UBE2V2: variants seen among roughly 807,000 people sequenced by gnomAD.
UBE2V2 encodes ubiquitin-conjugating enzyme E2 variant 2.
Under a neutral mutation model 17.2 loss-of-function variants are expected in UBE2V2, and 9 were observed. The ratio of observed to expected loss-of-function variants is 0.52; its 90% CI spans 0.32 to 0.91. The LOEUF is 0.91. Ranked by LOEUF, UBE2V2 falls within the 40% of genes least tolerant of loss-of-function variation. The pLI, the probability that UBE2V2 is intolerant of heterozygous loss-of-function variation, is 0.04. For synonymous variants in UBE2V2, 61 were observed against 57.5 expected, an observed-to-expected ratio of 1.06 and a Z score of -0.28; for missense variants, 133 against 182.6, an observed-to-expected ratio of 0.73 and a Z score of 1.56.
At chr8:48,005,711 C>G (rs917451111), upstream of UBE2V2, among the ~76,000 whole-genome samples, 2 of 152,252 alleles carry the variant, frequency 1.3e-5, no homozygotes, top group Non-Finnish European at 2.9e-5. Context: ...GATCACCATT[C>G]TACCTGGTGT....
In UBE2V2 at chr8:48,036,699, T is replaced by G. The variant is rs575521701; in HGVS notation, c.17-6334T>G. On this transcript the variant is annotated intron_variant, in intron 1 of 3. Coordinates refer to ENST00000523111, the MANE Select transcript of UBE2V2 (RefSeq NM_003350.3). ...ATCCACCCGCCTTGGCCTCCCAAAG[T>G]GCTGGGATTACAGGCATGAGCCACT... 1.7e-3 allele frequency among the ~76,000 whole-genome samples: 254 copies of G among 151,418 alleles called. 1 individual carries two copies. The highest frequency in any genetic ancestry group is 2.6e-3 in the Non-Finnish European group (177 of 67,856).
At chr8:48,006,878 TA>T (rs1298590472), upstream of UBE2V2, among the ~76,000 whole-genome samples, 6 of 152,162 alleles carry the variant, frequency 3.9e-5, no homozygotes, top group Non-Finnish European at 8.8e-5. Flanking sequence ...TTTTATTTTT[TA>T]TTTTTTTTTA....
rs533812912 is a variant in UBE2V2, at chr8:48,028,589, C to T, written c.17-14444C>T. On this transcript the variant is annotated intron_variant, in intron 1 of 3. Transcript: ENST00000523111. ...CTGACCTCAGGTGATCTGCCCACCT[C>T]GGCCTCCCAAAGTGCTGGAATTACA... Among the ~76,000 whole-genome samples the T allele has an allele frequency of 5.3e-5, 8 of 152,032 alleles. No individual in the cohort carries two copies. In the East Asian group the frequency reaches 1.2e-3, roughly 22 times the overall value.
At chr8:48,014,660 A>AG (rs2091256167) in intron 1 of UBE2V2, among the ~76,000 whole-genome samples, 1 of 151,484 alleles carries the variant, frequency 6.6e-6, no homozygotes, top group African/African-American at 2.4e-5. Context: ...AAAAAAAAAA[A>AG]AAAATGTGCA....
upstream of UBE2V2, among the ~76,000 whole-genome samples, chr8:48,006,528 C>T (rs565183296): frequency 7.3e-4 from 111 of 152,072 alleles, no homozygotes; most frequent in African/African-American, 2.5e-3. Context: ...AACATTGATG[C>T]GAAAATACTC....
At chr8:48,024,244 T>G (rs1300286019) in intron 1 of UBE2V2, among the ~76,000 whole-genome samples, 3 of 152,182 alleles carry the variant, frequency 2.0e-5, no homozygotes, top group Non-Finnish European at 4.4e-5. Context: ...AATACAGATA[T>G]GAAATGGCTT....
At chr8:48,060,106 C>T (rs909385052) in intron 3 of UBE2V2, among the ~76,000 whole-genome samples, 2 of 149,520 alleles carry the variant, frequency 1.3e-5, no homozygotes, top group African/African-American at 4.9e-5. Context: ...CTTGGGAGGC[C>T]TCATGAGGCA....
chr8:47,998,670 G>T, the UBE2V2 span, among the ~76,000 whole-genome samples: 1 of 151,792 alleles, frequency 6.6e-6, no homozygotes, highest in Non-Finnish European at 1.5e-5. Context: ...TGATAGGGGA[G>T]GGAGGGGGAG....
At chr8:48,054,220 C>G (rs1585445548) in intron 3 of UBE2V2, among the ~76,000 whole-genome samples, 1 of 152,182 alleles carries the variant, frequency 6.6e-6, no homozygotes. Flanking sequence ...GAATTCAGTT[C>G]GTGGCCTGCC....
chr8:48,048,311 A>G (rs2091513976), intron 2 of UBE2V2, among the ~76,000 whole-genome samples: 1 of 152,214 alleles, frequency 6.6e-6, no homozygotes, highest in Non-Finnish European at 1.5e-5. Context: ...ATTTTACTGT[A>G]TGGATATACC....
intron 1 of UBE2V2, among the ~76,000 whole-genome samples, chr8:48,017,235 A>T (rs557963104): frequency 6.6e-6 from 1 of 152,098 alleles, no homozygotes; most frequent in Non-Finnish European, 1.5e-5. Flanking sequence ...CTTTTGAGAA[A>T]TGTCTATTCA....
chr8:47,998,726 G>T, the UBE2V2 span, among the ~76,000 whole-genome samples: 2 of 151,816 alleles, frequency 1.3e-5, no homozygotes, highest in African/African-American at 4.8e-5. Context: ...CAGAGAGCGA[G>T]AGCCGGCCAG....
intron 1 of UBE2V2, among the ~76,000 whole-genome samples, chr8:48,028,322 C>A (rs1022597053): frequency 4.0e-5 from 6 of 151,288 alleles, no homozygotes; most frequent in African/African-American, 1.5e-4. Context: ...TGTGTGCCAC[C>A]ACACCCGGCT....
chr8:48,017,333 A>G (rs578222847), intron 1 of UBE2V2, among the ~76,000 whole-genome samples: 1 of 150,896 alleles, frequency 6.6e-6, no homozygotes, highest in Admixed American at 6.6e-5. Context: ...CTTATCAGAT[A>G]TATAGTTTAC....
In UBE2V2 at chr8:48,036,684, C is replaced by T. The variant is rs2091427505; in HGVS notation, c.17-6349C>T. 2.0e-5 allele frequency among the ~76,000 whole-genome samples: 3 copies of T among 152,064 alleles called. No homozygotes were observed. The South Asian group carries it at 6.2e-4, about 32-fold the overall frequency. ...ACTCCTGACCTTGTGATCCACCCGC[C>T]TTGGCCTCCCAAAGTGCTGGGATTA... On this transcript the variant is annotated intron_variant, in intron 1 of 3. Coordinates refer to ENST00000523111, the MANE Select transcript of UBE2V2 (RefSeq NM_003350.3).
intron 2 of UBE2V2, among the ~76,000 whole-genome samples, chr8:48,046,736 A>G (rs1329783176): frequency 6.6e-6 from 1 of 151,988 alleles, no homozygotes; most frequent in African/African-American, 2.4e-5. Context: ...AGCTGGGACT[A>G]TAGGGGTACA....
the UBE2V2 span, among the ~76,000 whole-genome samples, chr8:48,001,640 G>A: frequency 6.6e-6 from 1 of 152,146 alleles, no homozygotes; most frequent in Non-Finnish European, 1.5e-5. Context: ...AAGTGTGGTA[G>A]CTTTGAAGCC....
At chr8:48,017,205 C>A (rs112268525) in intron 1 of UBE2V2, among the ~76,000 whole-genome samples, 2,490 of 152,004 alleles carry the variant, frequency 0.016, 58 homozygotes, top group Non-Finnish European at 0.018. Flanking sequence ...TTTTCATATA[C>A]CTCTTGGCCA....
intron 3 of UBE2V2, among the ~76,000 whole-genome samples, chr8:48,053,042 G>T (rs984789435): frequency 1.3e-5 from 2 of 152,162 alleles, no homozygotes; most frequent in African/African-American, 4.8e-5. Flanking sequence ...AAGTAGCTGG[G>T]ACTACAAGTG....
Sources: allele counts gnomAD v4.1 joint callset (sites outside exome capture counted in the v4.1 genomes callset), GRCh38; gene constraint gnomAD v4.1.1; transcripts MANE v1.5; gene names NCBI Gene and HGNC (gene_info 2026-07-23, HGNC 2026-07-21).